Variants in NRXN1 observed in about 807,000 individuals in gnomAD.
NRXN1 encodes neurexin 1, also known as neurexin-1.
Under a neutral mutation model 150.9 loss-of-function variants are expected in NRXN1, and 39 were observed. The observed-to-expected ratio is 0.26, with a 90% CI of 0.20 to 0.34. The LOEUF (loss-of-function observed/expected upper bound fraction) is 0.34, where lower values mean the gene tolerates loss of function less well. NRXN1 is among the 10% of genes least tolerant of loss of function. The pLI, the probability that NRXN1 is intolerant of heterozygous loss-of-function variation, is 1.00. For synonymous variants in NRXN1, 924 were observed against 757.0 expected, an observed-to-expected ratio of 1.22 and a Z score of -3.62; for missense variants, 1,815 against 1,949.9, an observed-to-expected ratio of 0.93 and a Z score of 1.30.
intron 2 of NRXN1, among the ~76,000 whole-genome samples, chr2:50,944,877 G>C (rs1157711235): frequency 1.3e-5 from 2 of 152,224 alleles, no homozygotes; most frequent in East Asian, 3.8e-4. Flanking sequence ...TAATGCATAG[G>C]AATGCATGTA....
chr2:50,460,728 T>C (rs2088105242), intron 17 of NRXN1, among the ~76,000 whole-genome samples: 1 of 152,086 alleles, frequency 6.6e-6, no homozygotes, highest in African/African-American at 2.4e-5. Flanking sequence ...AATATTTTAA[T>C]CCTTTATCAT....
chr2:50,580,230 G>A (rs1672046888), intron 8 of NRXN1, among the ~76,000 whole-genome samples: 1 of 152,152 alleles, frequency 6.6e-6, no homozygotes, highest in Non-Finnish European at 1.5e-5. Context: ...AGAAATCGAT[G>A]TCATCCAATG....
At chr2:50,249,341 AG>A (rs1157511088) in intron 17 of NRXN1, among the ~76,000 whole-genome samples, 1 of 152,064 alleles carries the variant, frequency 6.6e-6, no homozygotes, top group Admixed American at 6.6e-5. Flanking sequence ...GAGAGGTGGC[AG>A]GGAAAAACTC....
chr2:50,942,949 C>A (rs62142991), intron 2 of NRXN1, among the ~76,000 whole-genome samples: 19,181 of 152,164 alleles, frequency 0.13, 1,361 homozygotes, highest in Non-Finnish European at 0.15. Context: ...AACCTTATCA[C>A]AAATTGTAAT....
chr2:50,974,094 A>T (rs1695458312), intron 2 of NRXN1, among the ~76,000 whole-genome samples: 1 of 152,180 alleles, frequency 6.6e-6, no homozygotes, highest in African/African-American at 2.4e-5. Flanking sequence ...TCCCAAACAG[A>T]GATCAATGAG....
intron 5 of NRXN1, among the ~76,000 whole-genome samples, chr2:50,785,810 T>C (rs1188171699): frequency 1.3e-5 from 2 of 152,198 alleles, no homozygotes; most frequent in East Asian, 3.9e-4. Context: ...CATGTAATGA[T>C]GGATTTCTGT....
chr2:50,282,076 T>C (rs1330289718), intron 17 of NRXN1, among the ~76,000 whole-genome samples: 1 of 152,194 alleles, frequency 6.6e-6, no homozygotes, highest in East Asian at 1.9e-4. Context: ...CTTACAGTTA[T>C]TGCTTTTTAG....
intron 21 of NRXN1, among the ~76,000 whole-genome samples, chr2:49,983,941 T>A (rs1438525365): frequency 6.6e-6 from 1 of 151,992 alleles, no homozygotes; most frequent in Non-Finnish European, 1.5e-5. Flanking sequence ...GGCAGGAGGA[T>A]TACTTGAGGC....
chr2:49,972,220 G>A (rs965998993), intron 21 of NRXN1, among the ~76,000 whole-genome samples: 12 of 152,044 alleles, frequency 7.9e-5, no homozygotes, highest in African/African-American at 2.9e-4. Context: ...TGACTTTTCT[G>A]GGCAAAAACT....
chr2:50,484,781 G>C (rs1207092828), intron 15 of NRXN1, among the ~76,000 whole-genome samples: 2 of 152,202 alleles, frequency 1.3e-5, no homozygotes, highest in Non-Finnish European at 2.9e-5. Flanking sequence ...AGAAAGTAAA[G>C]TGGAAATATC....
intron 18 of NRXN1, among the ~76,000 whole-genome samples, chr2:50,133,968 T>C (rs1297253592): frequency 6.6e-6 from 1 of 152,132 alleles, no homozygotes; most frequent in Non-Finnish European, 1.5e-5. Context: ...AGACCTTCTC[T>C]AAACCCCAGG....
chr2:50,847,216 A>G (rs10196466), intron 5 of NRXN1, among the ~76,000 whole-genome samples: 83,079 of 151,938 alleles, frequency 0.55, 24,750 homozygotes, highest in Non-Finnish European at 0.69. Flanking sequence ...TTCCTACTTC[A>G]GTGTTCTTTT....
intron 17 of NRXN1, among the ~76,000 whole-genome samples, chr2:50,381,282 TGAAGTAGTA>T (rs994092623): frequency 1.3e-5 from 2 of 152,006 alleles, no homozygotes; most frequent in African/African-American, 4.8e-5. Flanking sequence ...AATTCATAAA[TGAAGTAGTA>T]GTCTCATCAC....
intron 2 of NRXN1, among the ~76,000 whole-genome samples, chr2:50,968,774 T>A (rs1367707522): frequency 6.6e-6 from 1 of 152,126 alleles, no homozygotes; most frequent in Non-Finnish European, 1.5e-5. Context: ...CAACACATAA[T>A]AGTTGAGTTT....
chr2:49,985,641 C>T (rs140402192), intron 21 of NRXN1, among the ~76,000 whole-genome samples: 2 of 152,304 alleles, frequency 1.3e-5, no homozygotes. Context: ...AGATTCTCTA[C>T]TTCCACTGTG....
At chr2:49,976,321 C>T (rs1678985674) in intron 21 of NRXN1, among the ~76,000 whole-genome samples, 2 of 152,006 alleles carry the variant, frequency 1.3e-5, no homozygotes, top group Non-Finnish European at 2.9e-5. Flanking sequence ...AGGCATGAGC[C>T]ACCCTGCCCG....
intron 12 of NRXN1, among the ~76,000 whole-genome samples, chr2:50,509,625 G>T (rs1469144749): frequency 1.3e-5 from 2 of 152,160 alleles, no homozygotes; most frequent in African/African-American, 4.8e-5. Context: ...ACTTGTTAAA[G>T]AAAGATGGTT....
chr2:50,261,902 A>T (rs947352956), intron 17 of NRXN1, among the ~76,000 whole-genome samples: 14 of 151,852 alleles, frequency 9.2e-5, no homozygotes, highest in African/African-American at 3.4e-4. Flanking sequence ...GACTTTGCCA[A>T]AGTTATTGAA....
chr2:49,953,969 C>A (rs1224987515), intron 21 of NRXN1, among the ~76,000 whole-genome samples: 1 of 151,830 alleles, frequency 6.6e-6, no homozygotes, highest in Non-Finnish European at 1.5e-5. Context: ...CACATGTATA[C>A]CTATGTAACA....
Sources: gnomAD v4.1 joint callset for allele counts (sites outside exome capture counted in the v4.1 genomes callset) on GRCh38, gnomAD v4.1.1 for gene constraint, MANE v1.5 for transcripts, NCBI Gene and HGNC (gene_info 2026-07-23, HGNC 2026-07-21) for gene names.